Variants in IRAK1BP1 observed in about 807,000 individuals in gnomAD.
The protein encoded by IRAK1BP1 is interleukin 1 receptor associated kinase 1 binding protein 1.
In IRAK1BP1, 24 loss-of-function variants were observed where a neutral mutation model predicts 28.0. The ratio of observed to expected loss-of-function variants is 0.86; its 90% CI spans 0.62 to 1.20. The LOEUF is 1.20. IRAK1BP1 is among the 50% of genes most tolerant of loss of function. The pLI is 0.00. For synonymous variants in IRAK1BP1, 131 were observed against 116.3 expected, an observed-to-expected ratio of 1.13 and a Z score of -0.81; for missense variants, 336 against 316.7, an observed-to-expected ratio of 1.06 and a Z score of -0.46.
intron 1 of IRAK1BP1, among the ~76,000 whole-genome samples, chr6:78,873,234 A>C (rs751087963): frequency 3.7e-4 from 52 of 140,984 alleles, no homozygotes; most frequent in Non-Finnish European, 5.1e-4. Flanking sequence ...CAGCCTAGGC[A>C]ACAGAGTGAA....
Position 78,909,037 on chromosome 6 carries a change from T to A in IRAK1BP1, c.*67+5927T>A, listed in dbSNP as rs115146144. 4.1e-3 allele frequency among the ~76,000 whole-genome samples: 628 copies of A among 152,298 alleles called. 2 individuals carry two copies. Among genetic ancestry groups the A allele is most frequent in the African/African-American group, 0.014 (568 of 41,554 alleles). On this transcript the variant is annotated intron_variant and NMD_transcript_variant, in intron 4 of 4. Transcript: ENST00000606868. ...GAGGAGTAATAGCATGAAAGGCCAG[T>A]CTTGGGACTACAGAGAAAATATGAA... is the stretch of plus-strand genomic sequence containing the variant.
the IRAK1BP1 span, among the ~76,000 whole-genome samples, chr6:78,971,056 C>A: frequency 1.3e-5 from 2 of 152,134 alleles, no homozygotes; most frequent in South Asian, 4.1e-4. Flanking sequence ...ATCACTAAAT[C>A]ATAACCAAAG....
downstream of IRAK1BP1, among the ~76,000 whole-genome samples, chr6:78,907,761 C>A (rs1772296116): frequency 6.6e-6 from 1 of 151,416 alleles, no homozygotes; most frequent in Non-Finnish European, 1.5e-5. Context: ...ACTCTGTCAC[C>A]CAGGCTGGAG....
chr6:78,947,197 C>G (rs1004556289), downstream of IRAK1BP1, among the ~76,000 whole-genome samples: 7 of 152,174 alleles, frequency 4.6e-5, no homozygotes, highest in Non-Finnish European at 1.0e-4. Context: ...AACCTGTTTT[C>G]TATCTAGGAC....
chr6:78,975,819 G>A, the IRAK1BP1 span, among the ~76,000 whole-genome samples: 34 of 150,106 alleles, frequency 2.3e-4, no homozygotes, highest in African/African-American at 8.3e-4. Flanking sequence ...ACTTACAAGG[G>A]ATGTGAAGGA....
chr6:78,965,986 T>A, the IRAK1BP1 span: 1 of 1,613,366 alleles, frequency 6.2e-7, no homozygotes, highest in Non-Finnish European at 8.5e-7. Flanking sequence ...GGTACTCAAG[T>A]TGAAGAGGTT....
At chr6:78,947,375 C>A (rs574926328), downstream of IRAK1BP1, among the ~76,000 whole-genome samples, 1 of 152,136 alleles carries the variant, frequency 6.6e-6, no homozygotes, top group South Asian at 2.1e-4. Flanking sequence ...CTGGTGCATA[C>A]CAGGACAATT....
Position 78,897,974 on chromosome 6 carries a change from A to G in IRAK1BP1, c.512+15A>G. ...GAGAATCTTCGGTAAGTTTAAGCAC[A>G]TCTTTAACTAAGATATTCTTTAAAC... On this transcript the variant is annotated intron_variant, in intron 3 of 3. Coordinates refer to ENST00000369940, the MANE Select transcript of IRAK1BP1 (RefSeq NM_001010844.4). 1 of 1,612,214 alleles carries G rather than the reference A, an allele frequency of 6.2e-7. No individual in the cohort carries two copies. Among genetic ancestry groups the G allele is most frequent in the Non-Finnish European group, 8.5e-7 (1 of 1,179,318 alleles).
chr6:78,967,856 C>T, the IRAK1BP1 span, among the ~76,000 whole-genome samples: 1 of 152,024 alleles, frequency 6.6e-6, no homozygotes, highest in African/African-American at 2.4e-5. Context: ...ATTTATCGGC[C>T]GGGCGCGGTG....
intron 2 of IRAK1BP1, among the ~76,000 whole-genome samples, chr6:78,893,062 A>G (rs986429084): frequency 1.6e-4 from 25 of 151,770 alleles, no homozygotes; most frequent in Non-Finnish European, 1.5e-5. Context: ...AAAAAGTTCA[A>G]CTAACCCTAA....
intron 2 of IRAK1BP1, among the ~76,000 whole-genome samples, chr6:78,893,328 A>G (rs866181255): frequency 0.083 from 11,436 of 137,312 alleles, 639 homozygotes; most frequent in Middle Eastern, 0.13. Context: ...ATATATATAT[A>G]TATATATATA....
At chr6:78,935,786 T>C (rs1773252641) in intron 4 of IRAK1BP1, 1 of 979,902 alleles carries the variant, frequency 1.0e-6, no homozygotes, top group Non-Finnish European at 1.2e-6. Context: ...GTAAGCAGCT[T>C]GTTGAGATTA....
rs1406505998 is a variant in IRAK1BP1, at chr6:78,902,725, C to T, written c.*4391C>T. On this transcript the variant is annotated 3_prime_UTR_variant, in exon 4 of 4. Coordinates refer to ENST00000369940, the MANE Select transcript of IRAK1BP1 (RefSeq NM_001010844.4). ...GGCAGAGCTTACAGTGAGCCGAGAT[C>T]GCACCACTGCACTTCAGCCTGGGTG... 5 of 322,356 alleles carry T rather than the reference C, an allele frequency of 1.6e-5. No individual in the cohort carries two copies. Among genetic ancestry groups the T allele is most frequent in the Admixed American group, 1.4e-4 (3 of 21,514 alleles). The allele number at this position is 322,356 out of a possible 1,614,324, so 20.0% of individuals were successfully genotyped here.
At chr6:78,955,347 T>G in the IRAK1BP1 span, 1 of 1,125,984 alleles carries the variant, frequency 8.9e-7, no homozygotes, top group Non-Finnish European at 1.3e-6. Flanking sequence ...TATAGTTGAT[T>G]AACTAGCAAT....
chr6:78,964,561 C>T, the IRAK1BP1 span, among the ~76,000 whole-genome samples: 3 of 152,238 alleles, frequency 2.0e-5, no homozygotes, highest in South Asian at 2.1e-4. Flanking sequence ...GGTGCAATCT[C>T]GGCTCACTGC....
downstream of IRAK1BP1, among the ~76,000 whole-genome samples, chr6:78,950,619 T>C (rs1774089613): frequency 6.6e-6 from 1 of 152,210 alleles, no homozygotes; most frequent in Admixed American, 6.5e-5. Context: ...TTTATATATG[T>C]AGAATTCTTT....
In IRAK1BP1 at chr6:78,885,380, A is replaced by G. The variant is rs6908105; in HGVS notation, c.318A>G (p.Ala106=). 0.33 allele frequency: 513,865 copies of G among 1,554,448 alleles called. 87,706 individuals are homozygous for G. Among genetic ancestry groups the G allele is most frequent in the Admixed American group, 0.35 (19,632 of 55,776 alleles). Residue 106 remains alanine, a splice_region_variant and synonymous_variant, in exon 2 of 4, where the codon GCA becomes GCG. Transcript: ENST00000369940. ...CTCTTGGACTTTTTCTGTTTCAGGC[A>G]GAAAATATAACTGTGACAAAGGATT... ...TQSLQQQGVQ[A]ENITVTKDFR... is the part of the protein sequence containing the mutation.
chr6:78,867,825 G>A lies in IRAK1BP1; in HGVS notation c.249G>A (p.Glu83=), dbSNP rs1293858306. The change falls in exon 1 of 4, where the codon GAG becomes GAA. Residue 83 remains glutamate (E), a synonymous_variant. Coordinates refer to ENST00000369940, the MANE Select transcript of IRAK1BP1 (RefSeq NM_001010844.4). Reference sequence around the variant, plus strand: ...GCAGCACCAAGGAGGCGGCAGCCGAGGCCAAAAAGAGCGTTTGTCGCCGTC... The same window carrying A: ...GCAGCACCAAGGAGGCGGCAGCCGAAGCCAAAAAGAGCGTTTGTCGCCGTC... ...RVSSTKEAAA[E]AKKSVCRRLD... The A allele has an allele frequency of 4.3e-6, 7 of 1,612,422 alleles. No homozygotes were observed. The highest frequency in any genetic ancestry group is 4.5e-5 in the East Asian group (2 of 44,828).
chr6:78,880,656 T>C (rs1382105055), intron 1 of IRAK1BP1, among the ~76,000 whole-genome samples: 1 of 152,136 alleles, frequency 6.6e-6, no homozygotes, highest in African/African-American at 2.4e-5. Flanking sequence ...AGGACTTGTA[T>C]CAAGAACATA....
Sources: gnomAD v4.1 joint callset for allele counts (sites outside exome capture counted in the v4.1 genomes callset) on GRCh38, gnomAD v4.1.1 for gene constraint, MANE v1.5 for transcripts, NCBI Gene and HGNC (gene_info 2026-07-23, HGNC 2026-07-21) for gene names.